Variants in NETO2 observed in about 807,000 individuals in gnomAD.
NETO2 encodes the protein neuropilin and tolloid like 2, also known as neuropilin and tolloid-like protein 2.
In NETO2, 28 loss-of-function variants were observed where a neutral mutation model predicts 62.5. The observed-to-expected ratio is 0.45, with a 90% CI of 0.33 to 0.61. NETO2 has a LOEUF of 0.61. Ranked by LOEUF, NETO2 falls within the 20% of genes least tolerant of loss-of-function variation. NETO2 has a pLI of 0.02. For synonymous variants in NETO2, 214 were observed against 219.1 expected (o/e 0.98, Z 0.21); for missense variants, 548 against 643.2 (o/e 0.85, Z 1.60).
intron 7 of NETO2, among the ~76,000 whole-genome samples, chr16:47,100,449 C>T (rs1286805455): frequency 6.6e-6 from 1 of 151,734 alleles, no homozygotes; most frequent in African/African-American, 2.4e-5. Flanking sequence ...GACAAAATAA[C>T]TAAGATCAGA....
At chr16:47,134,070 A>G (rs926044455) in intron 1 of NETO2, among the ~76,000 whole-genome samples, 4 of 152,242 alleles carry the variant, frequency 2.6e-5, no homozygotes, top group African/African-American at 7.2e-5. Context: ...TGCAACTTAC[A>G]GGACGTGAGG....
intron 4 of NETO2, among the ~76,000 whole-genome samples, chr16:47,125,212 C>T (rs931886858): frequency 1.3e-5 from 2 of 152,168 alleles, no homozygotes; most frequent in African/African-American, 4.8e-5. Flanking sequence ...AATAAAATAG[C>T]TGACCAATTT....
At position 47,080,973 on chromosome 16, in the gene NETO2, T is replaced by C. The variant is rs1282028677; in HGVS notation, c.*2248A>G. 5 of 151,436 alleles carry C rather than the reference T, an allele frequency of 3.3e-5. No individual in the cohort carries two copies. Among genetic ancestry groups the C allele is most frequent in the Non-Finnish European group, 7.4e-5 (5 of 68,014 alleles). The allele number at this position is 151,436 out of a possible 1,614,324, so 9.4% of individuals were successfully genotyped here. ...AACTTACTGTCTAAATGTTACTTGC[T>C]ACATTGACTCGTATAAAACTGTGTA... is the stretch of plus-strand genomic sequence containing the variant. On this transcript the variant is annotated 3_prime_UTR_variant, in exon 9 of 9. Coordinates refer to ENST00000562435, the MANE Select transcript of NETO2 (RefSeq NM_018092.5).
At chr16:47,126,621 C>T (rs993192744) in intron 4 of NETO2, among the ~76,000 whole-genome samples, 3 of 152,110 alleles carry the variant, frequency 2.0e-5, no homozygotes, top group African/African-American at 7.2e-5. Flanking sequence ...ATGTCAACTA[C>T]AGGCTTTGGG....
intron 7 of NETO2, among the ~76,000 whole-genome samples, chr16:47,091,410 T>G (rs1044607454): frequency 1.3e-5 from 2 of 152,214 alleles, no homozygotes; most frequent in African/African-American, 4.8e-5. Context: ...GAGAAGAATT[T>G]CTCATCATGG....
Position 47,129,379 on chromosome 16 carries a change from G to A in NETO2, c.92-15C>T, listed in dbSNP as rs765656968. 6.2e-6 allele frequency: 10 copies of A among 1,612,250 alleles called. No homozygotes were observed. The highest frequency in any genetic ancestry group is 2.2e-5 in the South Asian group (2 of 91,038). ...ATTTTGTCCATCTTAGGGAAAAACG[G>A]CATTTAAAACACTCATTACAGCAAA... On this transcript the variant is annotated splice_polypyrimidine_tract_variant and intron_variant, in intron 2 of 8. Transcript: ENST00000562435.
chr16:47,120,445 G>A (rs909723491), intron 6 of NETO2, among the ~76,000 whole-genome samples: 1 of 152,108 alleles, frequency 6.6e-6, no homozygotes, highest in African/African-American at 2.4e-5. Context: ...TAGGTATACA[G>A]TGCATAATAA....
intron 7 of NETO2, among the ~76,000 whole-genome samples, chr16:47,090,537 G>A (rs1182031094): frequency 6.6e-6 from 1 of 152,134 alleles, no homozygotes; most frequent in Non-Finnish European, 1.5e-5. Flanking sequence ...ACCTATTGCT[G>A]TTCCTCACTG....
intron 7 of NETO2, among the ~76,000 whole-genome samples, chr16:47,092,820 G>A (rs1190016551): frequency 3.9e-5 from 6 of 152,162 alleles, no homozygotes; most frequent in Non-Finnish European, 8.8e-5. Flanking sequence ...GACATTTCCA[G>A]CTGCCCAAGG....
intron 7 of NETO2, among the ~76,000 whole-genome samples, chr16:47,099,779 A>G (rs1353023887): frequency 6.6e-6 from 1 of 152,334 alleles, no homozygotes; most frequent in East Asian, 1.9e-4. Flanking sequence ...ATATATATGC[A>G]CCCAATACAG....
At chr16:47,131,466 CAT>C (rs1964265345) in intron 2 of NETO2, among the ~76,000 whole-genome samples, 1 of 152,036 alleles carries the variant, frequency 6.6e-6, no homozygotes, top group South Asian at 2.1e-4. Context: ...TGATTTTTAT[CAT>C]GTGTATGTAT....
chr16:47,140,368 G>A (rs190533756), intron 1 of NETO2, among the ~76,000 whole-genome samples: 72 of 152,276 alleles, frequency 4.7e-4, no homozygotes, highest in African/African-American at 1.6e-3. Flanking sequence ...AAAATGATAG[G>A]AGATTGTGCT....
At position 47,083,425 on chromosome 16, in the gene NETO2, T is replaced by A. The variant is rs1253603715; in HGVS notation, c.1374A>T (p.Glu458Asp). The change falls in exon 9 of 9, where the codon GAA (glutamate) becomes GAT (aspartate). Residue 458 changes from glutamate (E) to aspartate (D), a missense_variant. Coordinates refer to ENST00000562435, the MANE Select transcript of NETO2 (RefSeq NM_018092.5). ...KQSRTNLSSM[E>D]LPFRNDFAQP... is the part of the protein sequence containing the mutation. ...GTGCAAAGTCATTTCGGAAAGGAAGTTCCATGGAACTGAGGTTGGTCCTGC... is the reference window on the plus strand; with the variant it reads ...GTGCAAAGTCATTTCGGAAAGGAAGATCCATGGAACTGAGGTTGGTCCTGC... The A allele has an allele frequency of 6.2e-6, 10 of 1,614,026 alleles. No individual in the cohort carries two copies. The highest frequency in any genetic ancestry group is 1.3e-5 in the African/African-American group (1 of 74,898).
At chr16:47,099,796 C>T (rs965415432) in intron 7 of NETO2, among the ~76,000 whole-genome samples, 2 of 152,076 alleles carry the variant, frequency 1.3e-5, no homozygotes, top group Non-Finnish European at 2.9e-5. Context: ...ACAGGAGCAC[C>T]CAGATTCATA....
chr16:47,092,025 GTT>G (rs34629427), intron 7 of NETO2, among the ~76,000 whole-genome samples: 6 of 134,262 alleles, frequency 4.5e-5, no homozygotes, highest in Non-Finnish European at 3.3e-5. Context: ...AACTGTTTTG[GTT>G]TTTTTTTTTT....
intron 1 of NETO2, among the ~76,000 whole-genome samples, chr16:47,133,819 T>C (rs970778601): frequency 8.5e-5 from 13 of 152,120 alleles, no homozygotes; most frequent in African/African-American, 1.7e-4. Context: ...TGCTAAAAAG[T>C]GTGGACTTCT....
At chr16:47,103,730 T>C (rs1192497745) in intron 7 of NETO2, among the ~76,000 whole-genome samples, 2 of 152,112 alleles carry the variant, frequency 1.3e-5, no homozygotes, top group Non-Finnish European at 2.9e-5. Context: ...TGGTTCAATA[T>C]ACAAAAGTCC....
chr16:47,138,936 G>C (rs1001992433), intron 1 of NETO2, among the ~76,000 whole-genome samples: 3 of 152,142 alleles, frequency 2.0e-5, no homozygotes, highest in Non-Finnish European at 4.4e-5. Context: ...CTGTGCCTTC[G>C]GCCTAGAATC....
chr16:47,119,193 C>T (rs1012554723), intron 6 of NETO2, among the ~76,000 whole-genome samples: 1 of 150,566 alleles, frequency 6.6e-6, no homozygotes, highest in African/African-American at 2.4e-5. Context: ...GCACTGTTGC[C>T]CAGGCTGGAG....
Sources: gnomAD v4.1 joint callset for allele counts (sites outside exome capture counted in the v4.1 genomes callset) on GRCh38, gnomAD v4.1.1 for gene constraint, MANE v1.5 for transcripts, NCBI Gene and HGNC (gene_info 2026-07-23, HGNC 2026-07-21) for gene names.